Variants in GALNT18 observed in about 807,000 individuals in gnomAD.
The protein encoded by GALNT18 is GalNAc-transferase 18.
GALNT18 carries 44 observed loss-of-function variants against 69.5 expected under a neutral mutation model. The observed-to-expected ratio is 0.63, with a 90% CI of 0.50 to 0.81. The LOEUF (loss-of-function observed/expected upper bound fraction) is 0.81, where lower values mean the gene tolerates loss of function less well. GALNT18 is among the 40% of genes least tolerant of loss of function. GALNT18 has a pLI of 0.00. For synonymous variants in GALNT18, 364 were observed against 318.2 expected (o/e 1.14, Z -1.53); for missense variants, 715 against 810.0 (o/e 0.88, Z 1.42).
Position 11,314,075 on chromosome 11 carries a change from C to A in GALNT18, c.1512+13011G>T, listed in dbSNP as rs2133032590. On this transcript the variant is annotated intron_variant, in intron 9 of 10. Transcript: ENST00000227756. The surrounding 1 kb of genome is among the most constrained non-coding windows in gnomAD (Gnocchi z 5.2). ...AGGTAATGTGACTTGGCAGAGAGCA[C>A]AGAGCCAAGGCGGGATCTAAAATTA... Among the ~76,000 whole-genome samples the A allele has an allele frequency of 6.6e-6, 1 of 152,272 alleles. No individual in the cohort carries two copies. Among genetic ancestry groups the A allele is most frequent in the South Asian group, 2.1e-4 (1 of 4,826 alleles).
chr11:11,379,310 G>T lies in GALNT18; in HGVS notation c.596-46C>A, dbSNP rs751514616. On this transcript the variant is annotated intron_variant, in intron 3 of 10. Transcript: ENST00000227756. ...CCTTAGCATGGGAGGGAGGTCAGGAGGCAGAGGGGGCAATCACAACAGTCA... is the reference window on the plus strand; with the variant it reads ...CCTTAGCATGGGAGGGAGGTCAGGATGCAGAGGGGGCAATCACAACAGTCA... The T allele has an allele frequency of 3.9e-6, 6 of 1,543,420 alleles. No individual in the cohort carries two copies. The East Asian group carries it at 1.3e-4, about 35-fold the overall frequency.
chr11:11,526,353 A>C (rs767991249), intron 1 of GALNT18, among the ~76,000 whole-genome samples: 3 of 152,006 alleles, frequency 2.0e-5, no homozygotes, highest in Middle Eastern at 6.8e-3. Context: ...AAATTCATAG[A>C]CTCTTACAAG....
intron 1 of GALNT18, among the ~76,000 whole-genome samples, chr11:11,599,484 T>C (rs1859582449): frequency 6.6e-6 from 1 of 152,026 alleles, no homozygotes; most frequent in African/African-American, 2.4e-5. Flanking sequence ...AAATTATTTA[T>C]ATCTTTGAAT....
intron 1 of GALNT18, among the ~76,000 whole-genome samples, chr11:11,504,581 A>G (rs1857034285): frequency 6.6e-6 from 1 of 151,920 alleles, no homozygotes; most frequent in Non-Finnish European, 1.5e-5. Flanking sequence ...ACATGGCAAA[A>G]CCCCATTTCT....
In GALNT18 at chr11:11,573,022, G is replaced by A. The variant is rs1319019275; in HGVS notation, c.235+48337C>T. On this transcript the variant is annotated intron_variant, in intron 1 of 10. Transcript: ENST00000227756. This position sits in a 1 kb window ranked among gnomAD's most constrained non-coding sequence, Gnocchi z 4.6. ...TCCTCACAGTAGTCCCATGAAGGAGGACGTTATCTTAGCCCATTTTACAGA... is the reference window on the plus strand; with the variant it reads ...TCCTCACAGTAGTCCCATGAAGGAGAACGTTATCTTAGCCCATTTTACAGA... Among the ~76,000 whole-genome samples, 1 of 152,084 alleles carries A rather than the reference G, an allele frequency of 6.6e-6. No individual in the cohort carries two copies. The highest frequency in any genetic ancestry group is 1.5e-5 in the Non-Finnish European group (1 of 68,018).
At chr11:11,294,707 A>C (rs1033068691) in intron 9 of GALNT18, among the ~76,000 whole-genome samples, 1 of 151,932 alleles carries the variant, frequency 6.6e-6, no homozygotes. Context: ...GGTCTGGTCT[A>C]GGGGAAAGCC....
intron 6 of GALNT18, among the ~76,000 whole-genome samples, chr11:11,350,267 C>T (rs753948214): frequency 6.6e-6 from 1 of 152,246 alleles, no homozygotes; most frequent in Non-Finnish European, 1.5e-5. Context: ...TACAGGGGGC[C>T]TGGCTTTTCC....
chr11:11,427,399 A>G (rs1329848774), intron 3 of GALNT18, among the ~76,000 whole-genome samples: 1 of 152,190 alleles, frequency 6.6e-6, no homozygotes, highest in Non-Finnish European at 1.5e-5. Context: ...GGTGTGGCCA[A>G]AGAGAGCTTG....
At chr11:11,433,627 C>T (rs1049130825) in intron 2 of GALNT18, among the ~76,000 whole-genome samples, 2 of 152,192 alleles carry the variant, frequency 1.3e-5, no homozygotes, top group Non-Finnish European at 2.9e-5. Flanking sequence ...GAGGTATTCC[C>T]CACATGAAGA....
chr11:11,441,498 AC>A (rs1312126979), intron 2 of GALNT18, among the ~76,000 whole-genome samples: 11 of 152,218 alleles, frequency 7.2e-5, no homozygotes, highest in African/African-American at 2.2e-4. Context: ...GAATCATAAG[AC>A]CCCAGTAAAA....
intron 3 of GALNT18, among the ~76,000 whole-genome samples, chr11:11,381,356 CT>C (rs1340689317): frequency 3.3e-5 from 5 of 152,144 alleles, no homozygotes; most frequent in Non-Finnish European, 7.3e-5. Flanking sequence ...ACCAAATGGC[CT>C]GATACAAATC....
intron 1 of GALNT18, among the ~76,000 whole-genome samples, chr11:11,574,807 G>T (rs886336261): frequency 6.6e-6 from 1 of 152,210 alleles, no homozygotes; most frequent in Non-Finnish European, 1.5e-5. Flanking sequence ...GGAAAGCAAG[G>T]ACAGAGCAGA....
intron 1 of GALNT18, among the ~76,000 whole-genome samples, chr11:11,557,885 A>G (rs991961878): frequency 6.6e-6 from 1 of 152,200 alleles, no homozygotes; most frequent in African/African-American, 2.4e-5. Flanking sequence ...CTGAGTTGAC[A>G]TTTCCCCAGC....
chr11:11,370,745 T>A (rs1850883033), intron 6 of GALNT18, among the ~76,000 whole-genome samples: 1 of 152,124 alleles, frequency 6.6e-6, no homozygotes, highest in Non-Finnish European at 1.5e-5. Flanking sequence ...AAGCCAGAAA[T>A]CTCCACTCTG....
intron 1 of GALNT18, among the ~76,000 whole-genome samples, chr11:11,509,858 G>A (rs1159788085): frequency 6.6e-6 from 1 of 152,244 alleles, no homozygotes; most frequent in Admixed American, 6.5e-5. Context: ...TGTTCATGGT[G>A]ACAATTGGAG....
In GALNT18 at chr11:11,299,808, T is replaced by C. The variant is rs191052547; in HGVS notation, c.1513-6615A>G. 3.6e-3 allele frequency among the ~76,000 whole-genome samples: 547 copies of C among 152,388 alleles called. 4 individuals carry two copies. Among genetic ancestry groups the C allele is most frequent in the Non-Finnish European group, 5.7e-3 (389 of 68,042 alleles). ...AGTGTCTTTTCCATAGAATGACTTC[T>C]TTTCCTTTCAGTAAACACCCAGGAT... is the stretch of plus-strand genomic sequence containing the variant. On this transcript the variant is annotated intron_variant, in intron 9 of 10. Coordinates refer to ENST00000227756, the MANE Select transcript of GALNT18 (RefSeq NM_198516.3).
rs558476273 is a variant in GALNT18, at chr11:11,498,575, G to C, written c.236-49639C>G. ...ACACTTTGGGAGGCCAAGGTGGGCA[G>C]ATTGCCTGAGCTCAGGAGTTCGCAA... On this transcript the variant is annotated intron_variant, in intron 1 of 10. Coordinates refer to ENST00000227756, the MANE Select transcript of GALNT18 (RefSeq NM_198516.3). 7.9e-5 allele frequency among the ~76,000 whole-genome samples: 12 copies of C among 152,350 alleles called. No individual in the cohort carries two copies. The South Asian group carries it at 2.5e-3, about 32-fold the overall frequency.
chr11:11,291,604 C>G (rs1849299807), intron 10 of GALNT18, among the ~76,000 whole-genome samples: 1 of 149,934 alleles, frequency 6.7e-6, no homozygotes, highest in African/African-American at 2.5e-5. Context: ...AGTTCCCTTT[C>G]ATTGAACCCC....
chr11:11,321,164 T>C (rs760886776), intron 9 of GALNT18, among the ~76,000 whole-genome samples: 19 of 152,192 alleles, frequency 1.2e-4, no homozygotes, highest in Non-Finnish European at 1.5e-4. Context: ...GATAAGCAGA[T>C]TGTCAGAGCT....
Sources: allele counts gnomAD v4.1 joint callset (sites outside exome capture counted in the v4.1 genomes callset), GRCh38; gene constraint gnomAD v4.1.1; non-coding constraint Gnocchi (gnomAD v3.1); transcripts MANE v1.5; gene names NCBI Gene and HGNC (gene_info 2026-07-23, HGNC 2026-07-21).